Variants in PON1 observed in about 807,000 individuals in gnomAD.
PON1 encodes the protein paraoxonase 1, also known as serum paraoxonase/arylesterase 1.
Under a neutral mutation model 39.2 loss-of-function variants are expected in PON1, and 37 were observed. That is an observed-to-expected ratio of 0.94 (90% confidence interval 0.73 to 1.24). PON1 has a LOEUF of 1.24. PON1 is among the 50% of genes most tolerant of loss of function. PON1 has a pLI of 0.00. For missense variants in PON1, 397 were observed against 413.5 expected (o/e 0.96, Z 0.35); for synonymous variants, 148 against 152.2 (o/e 0.97, Z 0.21).
Position 95,311,420 on chromosome 7 carries a change from A to C in PON1, c.497+31T>G, listed in dbSNP as rs368434973. 1.4e-5 allele frequency: 22 copies of C among 1,613,004 alleles called. No homozygotes were observed. The African/African-American group carries it at 1.9e-4, about 14-fold the overall frequency. On this transcript the variant is annotated intron_variant, in intron 5 of 8. Transcript: ENST00000222381. ...TGGATTAACTATCCGCTACAGCTAA[A>C]GGAAAATAGAAATGTGATATATCTC...
Position 95,318,657 on chromosome 7 carries a change from C to T in PON1, c.75-264G>A, listed in dbSNP as rs854562. 104,538 of 396,058 alleles carry T rather than the reference C, an allele frequency of 0.26. 15,889 individuals carry two copies. The highest frequency in any genetic ancestry group is 0.35 in the Middle Eastern group (465 of 1,310). The allele number at this position is 396,058 out of a possible 1,614,324, so 24.5% of individuals were successfully genotyped here. ...CTCTCTAGGGCTCTGTGTACTTTGG[C>T]AGGAACAGGAGCAATTTCATCAGTG... is the stretch of plus-strand genomic sequence containing the variant. On this transcript the variant is annotated intron_variant, in intron 1 of 8. Transcript: ENST00000222381.
chr7:95,306,298 A>G lies in PON1; in HGVS notation c.767T>C (p.Leu256Ser), dbSNP rs1268592495. The change falls in exon 7 of 9, where the codon TTA (leucine) becomes TCA (serine). Residue 256 changes from leucine (L) to serine (S), a missense_variant. Coordinates refer to ENST00000222381, the MANE Select transcript of PON1 (RefSeq NM_000446.7). ...HVYEKHANWT[L>S]TPLKSLDFNT... ...AATACGTCTTACCTTCAATGGAGTT[A>G]AAGTCCAATTAGCATGCTTTTCATA... 6 of 1,609,166 alleles carry G rather than the reference A, an allele frequency of 3.7e-6. No individual in the cohort carries two copies. Among genetic ancestry groups the G allele is most frequent in the South Asian group, 3.3e-5 (3 of 90,992 alleles).
chr7:95,308,209 A>T lies in PON1; in HGVS notation c.500T>A (p.Leu167Ter). 6.2e-7 allele frequency: 1 copy of T among 1,613,504 alleles called. No homozygotes were observed. Among genetic ancestry groups the T allele is most frequent in the Non-Finnish European group, 8.5e-7 (1 of 1,179,492 alleles). ...AGGTCCCACAGCAACAATATCATTC[A>T]AACTGCAATTAAAACATACACACAT... ...KTIRHKLLPN[L>*]NDIVAVGPEH... Residue 167 changes from leucine to a stop codon, truncating the protein, a stop_gained and splice_region_variant, in exon 6 of 9, where the codon TTG becomes TAG. Transcript: ENST00000222381. LOFTEE classifies it high-confidence loss of function.
chr7:95,308,918 T>C (rs1807599143), intron 5 of PON1, among the ~76,000 whole-genome samples: 1 of 152,028 alleles, frequency 6.6e-6, no homozygotes, highest in Non-Finnish European at 1.5e-5. Flanking sequence ...ATGTAAGATA[T>C]ATGAGTCTAT....
In PON1 at chr7:95,298,874, G is replaced by A; in HGVS notation, c.*70C>T. The A allele has an allele frequency of 6.4e-7, 1 of 1,573,696 alleles. No individual in the cohort carries two copies. The highest frequency in any genetic ancestry group is 2.2e-5 in the East Asian group (1 of 44,656). On this transcript the variant is annotated 3_prime_UTR_variant, in exon 9 of 9. Coordinates refer to ENST00000222381, the MANE Select transcript of PON1 (RefSeq NM_000446.7). ...ATTCATTGTTCAGCTAAGAACACTGGGTCCTCGGAATATGGCAAGCGGTTG... is the reference window on the plus strand; with the variant it reads ...ATTCATTGTTCAGCTAAGAACACTGAGTCCTCGGAATATGGCAAGCGGTTG...
At position 95,308,169 on chromosome 7, in the gene PON1, G is replaced by A; in HGVS notation, c.540C>T (p.Gly180=). The A allele has an allele frequency of 2.5e-6, 4 of 1,614,062 alleles. No individual in the cohort carries two copies. Among genetic ancestry groups the A allele is most frequent in the South Asian group, 1.1e-5 (1 of 91,074 alleles). ...GGTCAAGAAAATAGTGATCATTTGT[G>A]CCATAAAAGTGCTCAGGTCCCACAG... The part of the protein sequence containing the change: ...IVAVGPEHFY[G]TNDHYFLDPY... Residue 180 remains glycine (G), a synonymous_variant, in exon 6 of 9, where the codon GGC becomes GGT. Transcript: ENST00000222381.
At chr7:95,320,956 A>T (rs1387201427) in intron 1 of PON1, among the ~76,000 whole-genome samples, 3 of 152,222 alleles carry the variant, frequency 2.0e-5, no homozygotes, top group Non-Finnish European at 1.5e-5. Context: ...CAACTGATAA[A>T]GAAAAAAGGT....
At chr7:95,320,600 A>G (rs1355340785) in intron 1 of PON1, among the ~76,000 whole-genome samples, 14 of 152,250 alleles carry the variant, frequency 9.2e-5, no homozygotes. Context: ...AAAGTGGCTG[A>G]GCAGGGATTG....
chr7:95,310,697 T>A (rs1807633947), intron 5 of PON1, among the ~76,000 whole-genome samples: 1 of 152,180 alleles, frequency 6.6e-6, no homozygotes, highest in Non-Finnish European at 1.5e-5. Context: ...AGAGTACAAA[T>A]CTAGATTTAC....
At chr7:95,317,479 G>A (rs551518619) in intron 2 of PON1, among the ~76,000 whole-genome samples, 3 of 146,634 alleles carry the variant, frequency 2.0e-5, no homozygotes, top group South Asian at 2.1e-4. Flanking sequence ...GAAAACAATC[G>A]CACCATAAGA....
At chr7:95,319,472 A>C (rs854567) in intron 1 of PON1, among the ~76,000 whole-genome samples, 1 of 151,984 alleles carries the variant, frequency 6.6e-6, no homozygotes, top group Non-Finnish European at 1.5e-5. Context: ...GTGCCTCTTA[A>C]TAATCTGCTT....
chr7:95,306,166 G>C, intron 7 of PON1, 119 bp downstream of exon 7: 1 of 827,978 alleles, frequency 1.2e-6, no homozygotes, highest in East Asian at 2.4e-5. Flanking sequence ...TAATAAAGGA[G>C]TGAAAAATTG....
At chr7:95,314,878 C>T (rs182146852) in intron 4 of PON1, among the ~76,000 whole-genome samples, 81 of 152,220 alleles carry the variant, frequency 5.3e-4, no homozygotes, top group African/African-American at 1.9e-3. Context: ...GAGGAACCAG[C>T]GGACAGGAGG....
intron 5 of PON1, 38 bp downstream of exon 5, chr7:95,311,413 C>T: frequency 6.2e-7 from 1 of 1,611,946 alleles, no homozygotes. Flanking sequence ...CTATCCGCTA[C>T]AGCTAAAGGA....
At chr7:95,321,771 A>G (rs1807904162) in intron 1 of PON1, among the ~76,000 whole-genome samples, 1 of 152,024 alleles carries the variant, frequency 6.6e-6, no homozygotes, top group Non-Finnish European at 1.5e-5. Context: ...CCCATTACCC[A>G]CTGGAAAGAC....
chr7:95,322,271 T>TTATA lies in PON1; in HGVS notation c.74+2127_74+2130dup, dbSNP rs3046669. On this transcript the variant is annotated intron_variant, in intron 1 of 8. Transcript: ENST00000222381. ...AGGACATCTGCTATATGCCTGATTT[T>TTATA]TATATATATATATATACTTAGTTTT... is the stretch of plus-strand genomic sequence containing the variant. 7.7e-3 allele frequency among the ~76,000 whole-genome samples: 1,131 copies of TTATA among 146,520 alleles called. 5 individuals are homozygous for TTATA. The highest frequency in any genetic ancestry group is 0.01 in the South Asian group (47 of 4,648).
At position 95,297,888 on chromosome 7, in the gene PON1, A is replaced by G. The variant is rs1307564852; in HGVS notation, c.*1056T>C. The G allele has an allele frequency of 6.6e-5, 10 of 152,072 alleles. No individual in the cohort carries two copies. The highest frequency in any genetic ancestry group is 1.5e-4 in the Non-Finnish European group (10 of 68,048). 9.4% of individuals were successfully genotyped at this position (152,072 alleles called of 1,614,324 possible). On this transcript the variant is annotated 3_prime_UTR_variant, in exon 9 of 9. Transcript: ENST00000222381. The stretch of plus-strand genomic sequence containing the variant: ...ATCATGAAGGTTATACCTTCAAATC[A>G]GAAAAACAAATAAATGAAAATGTGT...
At chr7:95,313,578 T>C (rs1030474951) in intron 4 of PON1, among the ~76,000 whole-genome samples, 2 of 151,512 alleles carry the variant, frequency 1.3e-5, no homozygotes, top group African/African-American at 4.9e-5. Context: ...GATGAATGGG[T>C]GGATGAGTGG....
At chr7:95,320,867 G>A (rs1236399891) in intron 1 of PON1, among the ~76,000 whole-genome samples, 1 of 152,186 alleles carries the variant, frequency 6.6e-6, no homozygotes, top group East Asian at 1.9e-4. Context: ...TCTGAACTCT[G>A]CGCAGAAACC....
Sources: allele counts gnomAD v4.1 joint callset (sites outside exome capture counted in the v4.1 genomes callset), GRCh38; gene constraint gnomAD v4.1.1; transcripts MANE v1.5; gene names NCBI Gene and HGNC (gene_info 2026-07-23, HGNC 2026-07-21).